Variants in KDM2B observed in about 807,000 individuals in gnomAD.
The protein encoded by KDM2B is lysine-specific demethylase 2B.
In KDM2B, 26 loss-of-function variants were observed where a neutral mutation model predicts 150.0. That is an observed-to-expected ratio of 0.17 (90% confidence interval 0.13 to 0.24). The LOEUF is 0.24. Ranked by LOEUF, KDM2B falls within the 10% of genes least tolerant of loss-of-function variation. The pLI, the probability that KDM2B is intolerant of heterozygous loss-of-function variation, is 1.00. For synonymous variants in KDM2B, 734 were observed against 729.5 expected (o/e 1.01, Z -0.10); for missense variants, 1,265 against 1,816.9 (o/e 0.70, Z 5.52).
the KDM2B span, chr12:121,423,659 T>C: frequency 3.4e-6 from 4 of 1,174,324 alleles, no homozygotes; most frequent in Non-Finnish European, 4.9e-6. This position sits in a 1 kb window ranked among gnomAD's most constrained non-coding sequence, Gnocchi z 4.3. Flanking sequence ...AAAGTTATGT[T>C]CAAAGGCTGA....
chr12:121,579,033 A>T, intron 1 of KDM2B, 87 bp from the exon 2 acceptor site: 1 of 1,422,392 alleles, frequency 7.0e-7, no homozygotes, highest in South Asian at 1.3e-5. Context: ...TAACAGGTGC[A>T]GCAGCCGAGC....
intron 6 of KDM2B, among the ~76,000 whole-genome samples, chr12:121,540,777 A>C (rs1237210889): frequency 7.4e-6 from 1 of 135,516 alleles, no homozygotes; most frequent in Non-Finnish European, 1.6e-5. Context: ...AAAAAAAAAA[A>C]GTAGAGGATG....
intron 12 of KDM2B, among the ~76,000 whole-genome samples, chr12:121,483,878 T>C (rs868983027): frequency 6.6e-6 from 1 of 151,838 alleles, no homozygotes; most frequent in Non-Finnish European, 1.5e-5. Context: ...AGAGGTTTGA[T>C]TGACAAAACG....
chr12:121,539,666 T>A (rs1030089384), intron 6 of KDM2B, among the ~76,000 whole-genome samples: 8 of 152,054 alleles, frequency 5.3e-5, no homozygotes, highest in African/African-American at 1.9e-4. Flanking sequence ...GCCAGCAGTT[T>A]TTTTTTTTAA....
chr12:121,546,332 G>A (rs542536746), intron 6 of KDM2B, among the ~76,000 whole-genome samples: 5 of 150,442 alleles, frequency 3.3e-5, no homozygotes, highest in East Asian at 1.9e-4. Context: ...GCCTTTTTTC[G>A]GGGCCCTTTT....
intron 1 of KDM2B, chr12:121,579,883 T>C: frequency 6.9e-7 from 1 of 1,448,348 alleles, no homozygotes; most frequent in Non-Finnish European, 9.2e-7. Context: ...ATTTATTATA[T>C]TTTTTTCCCG....
chr12:121,516,495 G>C (rs1346871752), intron 9 of KDM2B: 2 of 1,376,850 alleles, frequency 1.5e-6, no homozygotes, highest in African/African-American at 1.4e-5. Context: ...TCCACCCTTC[G>C]CCTTCAAAAG....
At chr12:121,459,444 T>A (rs1878782328) in intron 12 of KDM2B, among the ~76,000 whole-genome samples, 1 of 151,458 alleles carries the variant, frequency 6.6e-6, no homozygotes, top group Non-Finnish European at 1.5e-5. Flanking sequence ...AACACAAGTG[T>A]AAATCTTTAT....
intron 12 of KDM2B, among the ~76,000 whole-genome samples, chr12:121,481,848 G>A (rs782790838): frequency 4.6e-5 from 7 of 151,860 alleles, no homozygotes; most frequent in Non-Finnish European, 8.8e-5. Flanking sequence ...GTGCAATCTC[G>A]GCTCACTGCA....
the KDM2B span, chr12:121,418,869 G>A: frequency 1.3e-5 from 2 of 152,254 alleles, no homozygotes; most frequent in South Asian, 2.1e-4. Flanking sequence ...TTACACCCCA[G>A]TTAATTTTTG....
chr12:121,494,704 A>T (rs1555300582), intron 11 of KDM2B, 39 bp from the exon 12 acceptor site: 1 of 1,525,796 alleles, frequency 6.6e-7, no homozygotes, highest in East Asian at 2.3e-5. Flanking sequence ...CCCAGGGGGA[A>T]GGGGAGGTCT....
chr12:121,441,756 C>G (rs1280696366), intron 19 of KDM2B, among the ~76,000 whole-genome samples: 1 of 152,220 alleles, frequency 6.6e-6, no homozygotes, highest in Non-Finnish European at 1.5e-5. Context: ...GGCTTTACAA[C>G]GCCCTCTACC....
intron 4 of KDM2B, among the ~76,000 whole-genome samples, chr12:121,554,033 C>A (rs891281320): frequency 6.5e-5 from 8 of 122,142 alleles, no homozygotes; most frequent in Admixed American, 2.7e-4. Flanking sequence ...CACCCCAGCT[C>A]CACACACACA....
chr12:121,440,183 T>C (rs1874736277), intron 21 of KDM2B, 108 bp from the exon 22 acceptor site: 3 of 749,180 alleles, frequency 4.0e-6, no homozygotes, highest in Non-Finnish European at 6.6e-6. Flanking sequence ...CACTCAGATT[T>C]CATTTAGTTA....
chr12:121,465,093 A>G (rs1879686431), intron 12 of KDM2B, among the ~76,000 whole-genome samples: 1 of 152,182 alleles, frequency 6.6e-6, no homozygotes, highest in Admixed American at 6.5e-5. Flanking sequence ...TGGGAAAAAA[A>G]AATCATCTTA....
intron 11 of KDM2B, among the ~76,000 whole-genome samples, chr12:121,499,913 C>T (rs782674311): frequency 4.6e-5 from 7 of 151,792 alleles, no homozygotes; most frequent in Non-Finnish European, 8.8e-5. Context: ...CGCACCACTG[C>T]ACTCTAGCCT....
intron 13 of KDM2B, among the ~76,000 whole-genome samples, chr12:121,446,669 A>T (rs76018552): frequency 2.6e-5 from 4 of 152,212 alleles, no homozygotes. Context: ...TTTTGTGAAG[A>T]TCAAAGAAGT....
chr12:121,420,584 G>T, the KDM2B span: 1 of 1,613,966 alleles, frequency 6.2e-7, no homozygotes, highest in Non-Finnish European at 8.5e-7. Context: ...CAGAACCCCG[G>T]GCTCTCCAAG....
chr12:121,413,374 A>G, the KDM2B span, among the ~76,000 whole-genome samples: 1 of 150,894 alleles, frequency 6.6e-6, no homozygotes, highest in Non-Finnish European at 1.5e-5. Context: ...TTTGAGGTAT[A>G]TAATCATTTA....
Sources: allele counts gnomAD v4.1 joint callset (sites outside exome capture counted in the v4.1 genomes callset), GRCh38; gene constraint gnomAD v4.1.1; non-coding constraint Gnocchi (gnomAD v3.1); transcripts MANE v1.5; gene names NCBI Gene and HGNC (gene_info 2026-07-23, HGNC 2026-07-21).